ADAMTS13: variants seen among roughly 807,000 people sequenced by gnomAD.
ADAMTS13 encodes ADAM metallopeptidase with thrombospondin type 1 motif 13, also known as A disintegrin and metalloproteinase with thrombospondin motifs 13.
In ADAMTS13, 110 loss-of-function variants were observed where a neutral mutation model predicts 155.1. The ratio of observed to expected loss-of-function variants is 0.71; its 90% CI spans 0.61 to 0.83. The LOEUF is 0.83. ADAMTS13 is among the 40% of genes least tolerant of loss of function. The pLI, the probability that ADAMTS13 is intolerant of heterozygous loss-of-function variation, is 0.00. For missense variants in ADAMTS13, 1,707 were observed against 1,891.7 expected, an observed-to-expected ratio of 0.90 and a Z score of 1.81; for synonymous variants, 758 against 756.4, an observed-to-expected ratio of 1.00 and a Z score of -0.03.
At chr9:133,452,336 T>C (rs1842484949) in intron 23 of ADAMTS13, among the ~76,000 whole-genome samples, 1 of 152,176 alleles carries the variant, frequency 6.6e-6, no homozygotes, top group Admixed American at 6.5e-5. Flanking sequence ...GGTCTTGAAC[T>C]CCTGACCTCA....
upstream of ADAMTS13, chr9:133,417,798 G>A (rs1554782034): frequency 1.2e-6 from 2 of 1,607,452 alleles, no homozygotes; most frequent in Admixed American, 1.7e-5. Context: ...CTTAGCCACG[G>A]GGCTGCTCGG....
chr9:133,414,647 G>T (rs781902765), intron 1 of ADAMTS13: 1 of 1,611,066 alleles, frequency 6.2e-7, no homozygotes, highest in South Asian at 1.1e-5. Context: ...TCTCAGTGGT[G>T]AGGTGGCCCA....
chr9:133,432,577 C>A lies in ADAMTS13; in HGVS notation c.988-11C>A, dbSNP rs902481669. The A allele has an allele frequency of 4.5e-6, 7 of 1,549,684 alleles. No homozygotes were observed. The highest frequency in any genetic ancestry group is 3.6e-4 in the Middle Eastern group (2 of 5,528). The stretch of plus-strand genomic sequence containing the variant: ...CCCCTGAGCTCGCCACCCACCTGTC[C>A]ACCCTCCTAGGATATGTGCCAGGCC... On this transcript the variant is annotated splice_polypyrimidine_tract_variant and intron_variant, in intron 8 of 28. Transcript: ENST00000355699.
rs1367098860 is a variant in ADAMTS13, at chr9:133,437,806, G to A, written c.1493G>A (p.Arg498His). ...RAIGESFIMKRGDSFLDGTRC... is the reference protein window; with the variant it reads ...RAIGESFIMKHGDSFLDGTRC... ...ATTGGCGAGAGCTTCATCATGAAGCGTGGAGACAGCTTCCTCGATGGGACC... is the reference window on the plus strand; with the variant it reads ...ATTGGCGAGAGCTTCATCATGAAGCATGGAGACAGCTTCCTCGATGGGACC... The change falls in exon 13 of 29, where the codon CGT (arginine) becomes CAT (histidine). Residue 498 changes from arginine to histidine, a missense_variant. Arg to His is a conservative substitution (Grantham distance 29). Around this residue, in one of 3 missense-constraint regions of ADAMTS13, gnomAD observed 733 missense variants for 749.6 expected, o/e 0.98. Transcript: ENST00000355699. 6.8e-6 allele frequency: 11 copies of A among 1,613,846 alleles called. No homozygotes were observed. The highest frequency in any genetic ancestry group is 4.0e-5 in the African/African-American group (3 of 74,912).
At chr9:133,415,424 T>C (rs78982372) in intron 1 of ADAMTS13, among the ~76,000 whole-genome samples, 1 of 152,120 alleles carries the variant, frequency 6.6e-6, no homozygotes, top group Non-Finnish European at 1.5e-5. Context: ...TTTTTTTTTT[T>C]ACAAGATTCC....
intron 6 of ADAMTS13, among the ~76,000 whole-genome samples, chr9:133,427,182 T>C (rs1840344452): frequency 6.6e-6 from 1 of 152,206 alleles, no homozygotes; most frequent in Admixed American, 6.5e-5. Flanking sequence ...ATCCCAGGTA[T>C]CTTAGAGGTG....
At chr9:133,417,569 T>C, upstream of ADAMTS13, 2 of 1,580,906 alleles carry the variant, frequency 1.3e-6, no homozygotes, top group Admixed American at 3.4e-5. Flanking sequence ...TCCGTCGCGT[T>C]CTGCGGGAAT....
At chr9:133,435,251 A>G (rs1298301807) in intron 11 of ADAMTS13, among the ~76,000 whole-genome samples, 14 of 150,418 alleles carry the variant, frequency 9.3e-5, no homozygotes, top group Non-Finnish European at 1.6e-4. Flanking sequence ...CAGTGGTGCA[A>G]TCTCAGCTCC....
At position 133,422,470 on chromosome 9, in the gene ADAMTS13, A is replaced by G. The variant is rs782112627; in HGVS notation, c.27A>G (p.Arg9=). 13 of 1,613,982 alleles carry G rather than the reference A, an allele frequency of 8.1e-6. No individual in the cohort carries two copies. Among genetic ancestry groups the G allele is most frequent in the Non-Finnish European group, 1.0e-5 (12 of 1,180,006 alleles). MHQRHPRA[R]CPPLCVAGIL... ...TGCACCAGCGTCACCCCCGGGCAAG[A>G]TGCCCTCCCCTCTGTGTGGCCGGAA... Residue 9 remains arginine (R), a synonymous_variant, in exon 1 of 29, where the codon AGA becomes AGG. Transcript: ENST00000355699.
Position 133,456,957 on chromosome 9 carries a change from G to A in ADAMTS13, c.3724+238G>A, listed in dbSNP as rs770638086. The A allele has an allele frequency of 6.5e-5, 43 of 661,276 alleles. No individual in the cohort carries two copies. The highest frequency in any genetic ancestry group is 1.1e-4 in the Non-Finnish European group (41 of 361,810). The allele number at this position is 661,276 out of a possible 1,614,324, so 41.0% of individuals were successfully genotyped here. A position where few individuals can be genotyped will look rare whatever the true frequency, so the allele number is the denominator to read the frequency against. ...CGTGCAGCAAGATGGACGGATGTGGGACATGGTCCACATCCTCAGTCAGTC... is the reference window on the plus strand; with the variant it reads ...CGTGCAGCAAGATGGACGGATGTGGAACATGGTCCACATCCTCAGTCAGTC... On this transcript the variant is annotated intron_variant, in intron 27 of 28. Transcript: ENST00000355699. The surrounding 1 kb of genome is among the most constrained non-coding windows in gnomAD (Gnocchi z 4.4).
At chr9:133,426,808 C>CTT (rs36219249) in intron 6 of ADAMTS13, among the ~76,000 whole-genome samples, 3,006 of 145,902 alleles carry the variant, frequency 0.021, 112 homozygotes, top group African/African-American at 0.072. Flanking sequence ...CTTTTCTTTT[C>CTT]TTTTTTTTTT....
Position 133,448,723 on chromosome 9 carries a change from T to G in ADAMTS13, c.2856T>G (p.Pro952=). The G allele has an allele frequency of 6.2e-7, 1 of 1,601,074 alleles. No individual in the cohort carries two copies. Among genetic ancestry groups the G allele is most frequent in the Non-Finnish European group, 8.5e-7 (1 of 1,179,794 alleles). ...RREVCQAVPC[P]ARWQYKLAAC... Reference sequence around the variant, plus strand: ...AGGTCTGCCAGGCTGTCCCGTGCCCTGCTCGGTGAGTGAGGGGAGCAAGAC... The same window carrying G: ...AGGTCTGCCAGGCTGTCCCGTGCCCGGCTCGGTGAGTGAGGGGAGCAAGAC... Residue 952 remains proline (P), a synonymous_variant, in exon 22 of 29, where the codon CCT becomes CCG. Coordinates refer to ENST00000355699, the MANE Select transcript of ADAMTS13 (RefSeq NM_139027.6).
exon 1 of ADAMTS13, chr9:133,414,592 G>T: frequency 7.4e-7 from 1 of 1,349,720 alleles, no homozygotes; most frequent in Non-Finnish European, 1.1e-6. Flanking sequence ...GAGGCCACCA[G>T]CCTCCATAAG....
Position 133,445,173 on chromosome 9 carries a change from A to C in ADAMTS13, c.2610+121A>C, listed in dbSNP as rs1554792203. 4.9e-6 allele frequency: 6 copies of C among 1,212,864 alleles called. No individual in the cohort carries two copies. Among genetic ancestry groups the C allele is most frequent in the Non-Finnish European group, 1.2e-6 (1 of 863,292 alleles). The allele number at this position is 1,212,864 out of a possible 1,614,324, so 75.1% of individuals were successfully genotyped here. A position where few individuals can be genotyped will look rare whatever the true frequency, so the allele number is the denominator to read the frequency against. ...AGCAAGAACACCATCCTTCTGTGGG[A>C]ATGCTGTCTGAGGGCCACCCCTGCT... is the stretch of plus-strand genomic sequence containing the variant. On this transcript the variant is annotated intron_variant, in intron 20 of 28. Transcript: ENST00000355699. The surrounding 1 kb of genome is among the most constrained non-coding windows in gnomAD (Gnocchi z 5.0).
chr9:133,427,904 G>A (rs1840388889), intron 6 of ADAMTS13, among the ~76,000 whole-genome samples: 1 of 152,198 alleles, frequency 6.6e-6, no homozygotes, highest in Non-Finnish European at 1.5e-5. Context: ...CATGGAAAAG[G>A]GGCAGTAACT....
chr9:133,431,440 C>T (rs587643307), intron 8 of ADAMTS13, among the ~76,000 whole-genome samples: 1 of 149,598 alleles, frequency 6.7e-6, no homozygotes, highest in African/African-American at 2.5e-5. Flanking sequence ...GATTCCCGGG[C>T]CTACGCCTCC....
intron 15 of ADAMTS13, among the ~76,000 whole-genome samples, chr9:133,439,958 GGT>G (rs1554790206): frequency 6.6e-6 from 1 of 152,242 alleles, no homozygotes; most frequent in Non-Finnish European, 1.5e-5. Flanking sequence ...ACTTCTGCCT[GGT>G]GTGACCCGTG....
Position 133,444,906 on chromosome 9 carries a change from G to A in ADAMTS13, c.2464G>A (p.Ala822Thr), listed in dbSNP as rs782337019. The change falls in exon 20 of 29, where the codon GCA becomes ACA. Residue 822 changes from alanine to threonine, a missense_variant. By Grantham distance (58) the Ala-to-Thr change is moderately conservative. Transcript: ENST00000355699. ...CAGCTCATGCACATCAGCTGGTGGA[G>A]CAGGCCTGGCCTTGGAGAACGAGAC... ...EPSSCTSAGG[A>T]GLALENETCV... 5.7e-5 allele frequency: 92 copies of A among 1,613,204 alleles called. No homozygotes were observed. In the South Asian group the frequency reaches 9.2e-4, roughly 16 times the overall value.
At position 133,414,980 on chromosome 9, in the gene ADAMTS13, T is replaced by C. The variant is rs782516075; in HGVS notation, n.287+336T>C. On this transcript the variant is annotated intron_variant and non_coding_transcript_variant, in intron 1 of 17. Coordinates refer to the ADAMTS13 transcript ENST00000485925. ...CATCTGAGAGATGACAAGAGGCTTT[T>C]CTGGGGCCTGAGATTTTTGTTTCAG... 1.9e-5 allele frequency: 31 copies of C among 1,594,392 alleles called. No individual in the cohort carries two copies. The highest frequency in any genetic ancestry group is 2.6e-5 in the Non-Finnish European group (31 of 1,174,868).
Sources: allele counts gnomAD v4.1 joint callset (sites outside exome capture counted in the v4.1 genomes callset), GRCh38; gene constraint gnomAD v4.1.1; regional missense constraint gnomAD v4.1.1; non-coding constraint Gnocchi (gnomAD v3.1); transcripts MANE v1.5; gene names NCBI Gene and HGNC (gene_info 2026-07-23, HGNC 2026-07-21).